The following RYR1 variants were observed in gnomAD, a reference collection of about 807,000 sequenced individuals.
RYR1 encodes ryanodine receptor 1.
Under a neutral mutation model 583.5 loss-of-function variants are expected in RYR1, and 342 were observed. The ratio of observed to expected loss-of-function variants is 0.59; its 90% CI spans 0.54 to 0.64. The LOEUF is 0.64. RYR1 is among the 30% of genes least tolerant of loss of function. The probability of loss-of-function intolerance (pLI) is 0.00; values close to 1 mark genes in which losing one functional copy is unlikely to be tolerated. For missense variants in RYR1, 6,032 were observed against 6,917.2 expected, an observed-to-expected ratio of 0.87 and a Z score of 4.54; for synonymous variants, 2,791 against 2,822.5, an observed-to-expected ratio of 0.99 and a Z score of 0.35.
chr19:38,486,724 T>A (rs1314243532), intron 34 of RYR1, among the ~76,000 whole-genome samples: 1 of 152,186 alleles, frequency 6.6e-6, no homozygotes, highest in Admixed American at 6.6e-5. Context: ...GTCATCTCTT[T>A]ATGTTTATTC....
chr19:38,553,593 G>T (rs1972758529), intron 89 of RYR1, among the ~76,000 whole-genome samples: 2 of 152,066 alleles, frequency 1.3e-5, no homozygotes, highest in South Asian at 4.2e-4. Context: ...GGTCAAGGCT[G>T]CAGTGAACCA....
At chr19:38,458,826 C>A (rs897086417) in intron 18 of RYR1, among the ~76,000 whole-genome samples, 1 of 152,028 alleles carries the variant, frequency 6.6e-6, no homozygotes, top group Non-Finnish European at 1.5e-5. Context: ...GGTTTCACCA[C>A]ATTGGCCAGG....
At chr19:38,481,576 G>A (rs1469674222) in intron 31 of RYR1, among the ~76,000 whole-genome samples, 1 of 152,206 alleles carries the variant, frequency 6.6e-6, no homozygotes, top group East Asian at 1.9e-4. Flanking sequence ...TATTTGTCCT[G>A]TGGCACTTTG....
chr19:38,508,853 C>T (rs574726591), intron 58 of RYR1, among the ~76,000 whole-genome samples: 4 of 151,808 alleles, frequency 2.6e-5, no homozygotes, highest in South Asian at 2.1e-4. Context: ...CGAGGAGGGA[C>T]GTGATCCATA....
chr19:38,504,092 A>G (rs530472560), intron 49 of RYR1, 128 bp from the exon 50 acceptor site: 1 of 1,031,484 alleles, frequency 9.7e-7, no homozygotes, highest in African/African-American at 1.7e-5. Context: ...TTAGCATATC[A>G]TTTGCATAAC....
chr19:38,451,720 T>C (rs1277574767), intron 11 of RYR1, 44 bp from the exon 12 acceptor site: 1 of 1,612,754 alleles, frequency 6.2e-7, no homozygotes, highest in Non-Finnish European at 8.5e-7. Flanking sequence ...GGCATGGCCC[T>C]GGGTGGCTGG....
At chr19:38,445,304 C>T (rs570367757) in intron 7 of RYR1, among the ~76,000 whole-genome samples, 12 of 150,990 alleles carry the variant, frequency 7.9e-5, no homozygotes, top group South Asian at 2.1e-4. Flanking sequence ...CAAACCCAGA[C>T]CCCCAAATTC....
In RYR1 at chr19:38,517,685, C is replaced by T. The variant is rs1477378942; in HGVS notation, c.10012C>T (p.Leu3338=). 3 of 1,614,166 alleles carry T rather than the reference C, an allele frequency of 1.9e-6. No homozygotes were observed. The highest frequency in any genetic ancestry group is 3.3e-5 in the Admixed American group (2 of 60,024). The change falls in exon 66 of 106, where the codon CTG becomes TTG. Residue 3338 remains leucine, a synonymous_variant. Coordinates refer to ENST00000359596, the MANE Select transcript of RYR1 (RefSeq NM_000540.3). The stretch of plus-strand genomic sequence containing the variant: ...TGACGAGGCCTCCTGGATGAAGCGG[C>T]TGGCTGGTGGGTCGGGGGGCACTGG... ...GIDEASWMKR[L]AVFAQPIVSR...
chr19:38,440,400 G>T (rs954309029), intron 1 of RYR1, among the ~76,000 whole-genome samples: 4 of 152,188 alleles, frequency 2.6e-5, no homozygotes, highest in African/African-American at 9.6e-5. Flanking sequence ...TTAGCCAGGT[G>T]TGGTGGTGCA....
intron 101 of RYR1, among the ~76,000 whole-genome samples, chr19:38,582,913 C>T (rs998532218): frequency 2.6e-5 from 4 of 152,136 alleles, no homozygotes; most frequent in Middle Eastern, 3.2e-3. Flanking sequence ...GACACGGCCT[C>T]GCTGCCCACA....
chr19:38,500,051 G>T lies in RYR1; in HGVS notation c.7323+35G>T. The T allele has an allele frequency of 6.3e-7, 1 of 1,594,520 alleles. No individual in the cohort carries two copies. Among genetic ancestry groups the T allele is most frequent in the Non-Finnish European group, 8.6e-7 (1 of 1,163,184 alleles). On this transcript the variant is annotated intron_variant, in intron 45 of 105. Coordinates refer to ENST00000359596, the MANE Select transcript of RYR1 (RefSeq NM_000540.3). This position sits in a 1 kb window ranked among gnomAD's most constrained non-coding sequence, Gnocchi z 5.9. ...TGAGCCAGGGCAGGATGGGAAGGGA[G>T]GGCAGGCACAGCCGCTTTGAACGCC...
chr19:38,440,663 G>C, intron 1 of RYR1, 82 bp from the exon 2 acceptor site: 3 of 1,536,140 alleles, frequency 2.0e-6, no homozygotes, highest in Non-Finnish European at 1.8e-6. Flanking sequence ...AAGGACCAGG[G>C]TGGGAGGAGG....
chr19:38,444,517 C>A lies in RYR1; in HGVS notation c.538-67C>A. ...CGGGTATCCACCCTTGATTTCTGGC[C>A]TCTGACGCTGGGACTCTCGCCCACC... On this transcript the variant is annotated intron_variant, in intron 6 of 105. Transcript: ENST00000359596. This position sits in a 1 kb window ranked among gnomAD's most constrained non-coding sequence, Gnocchi z 5.1. 1 of 1,394,778 alleles carries A rather than the reference C, an allele frequency of 7.2e-7. No homozygotes were observed. The highest frequency in any genetic ancestry group is 1.0e-6 in the Non-Finnish European group (1 of 995,274). The allele number at this position is 1,394,778 out of a possible 1,614,324, so 86.4% of individuals were successfully genotyped here.
In RYR1 at chr19:38,446,608, G is replaced by A. The variant is rs186166590; in HGVS notation, c.725+43G>A. On this transcript the variant is annotated intron_variant, in intron 8 of 105. Transcript: ENST00000359596. ...GAGGGCCTGGGGTCTAGGGGTGGACGTGGAGGGCTGGGACCCTATGAGTAG... is the reference window on the plus strand; with the variant it reads ...GAGGGCCTGGGGTCTAGGGGTGGACATGGAGGGCTGGGACCCTATGAGTAG... 2.0e-4 allele frequency: 324 copies of A among 1,601,228 alleles called. No individual in the cohort carries two copies. In the African/African-American group the frequency reaches 3.8e-3, roughly 19 times the overall value.
At chr19:38,551,446 T>G (rs1047723805) in intron 89 of RYR1, among the ~76,000 whole-genome samples, 1 of 151,828 alleles carries the variant, frequency 6.6e-6, no homozygotes, top group African/African-American at 2.4e-5. Context: ...AAGCTCAGGG[T>G]TCCCTGAGTT....
intron 90 of RYR1, among the ~76,000 whole-genome samples, chr19:38,564,717 T>C (rs903035602): frequency 6.6e-6 from 1 of 152,130 alleles, no homozygotes; most frequent in Non-Finnish European, 1.5e-5. Context: ...GGTTTCACCA[T>C]GTTGGCCAGG....
At chr19:38,569,818 C>T (rs1331685289) in intron 93 of RYR1, among the ~76,000 whole-genome samples, 2 of 152,182 alleles carry the variant, frequency 1.3e-5, no homozygotes. Context: ...TAAACAAGCT[C>T]ATGCAAATAA....
chr19:38,505,097 C>G lies in RYR1; in HGVS notation c.8310+16C>G. On this transcript the variant is annotated intron_variant, in intron 52 of 105. Coordinates refer to ENST00000359596, the MANE Select transcript of RYR1 (RefSeq NM_000540.3). The stretch of plus-strand genomic sequence containing the variant: ...CTTCGACAAGGTTGGCCTCAGGGTC[C>G]TCCTATCCAAGAAACCCTCAAGACC... 6.2e-7 allele frequency: 1 copy of G among 1,611,836 alleles called. No individual in the cohort carries two copies. The highest frequency in any genetic ancestry group is 8.5e-7 in the Non-Finnish European group (1 of 1,177,942).
chr19:38,535,006 A>G (rs1971905067), intron 79 of RYR1, 135 bp from the exon 80 acceptor site: 3 of 1,048,682 alleles, frequency 2.9e-6, no homozygotes, highest in Non-Finnish European at 4.3e-6. Flanking sequence ...TTCAATCACG[A>G]TCACCCCTGC....
Sources: gnomAD v4.1 joint callset for allele counts (sites outside exome capture counted in the v4.1 genomes callset) on GRCh38, gnomAD v4.1.1 for gene constraint, Gnocchi (gnomAD v3.1) non-coding constraint, MANE v1.5 for transcripts, NCBI Gene and HGNC (gene_info 2026-07-23, HGNC 2026-07-21) for gene names.